COL7A1: variants seen among roughly 807,000 people sequenced by gnomAD.
COL7A1 encodes the protein collagen type VII alpha 1 chain, also known as collagen alpha-1(VII) chain.
Under a neutral mutation model 456.2 loss-of-function variants are expected in COL7A1, and 296 were observed. The observed-to-expected ratio is 0.65, with a 90% confidence interval of 0.59 to 0.71. The LOEUF (loss-of-function observed/expected upper bound fraction) is 0.71, where lower values mean the gene tolerates loss of function less well. Among genes scored for constraint, COL7A1 ranks in the 30% least tolerant of loss-of-function variants. COL7A1 has a pLI of 0.00. For missense variants in COL7A1, 3,441 were observed against 4,017.2 expected (o/e 0.86, Z 3.88); for synonymous variants, 1,464 against 1,525.9 (o/e 0.96, Z 0.95).
rs1041486286 is a variant in COL7A1 at position 48,573,385 on chromosome 3, C to T, written c.6619-37G>A. 2.2e-5 allele frequency: 36 copies of T among 1,613,906 alleles called. No homozygotes were observed. The highest frequency in any genetic ancestry group is 1.6e-4 in the Middle Eastern group (1 of 6,084). ...CCAGAGACTGCATGAGCAGAGCCCA[C>T]GTGGCCAGGGCTCCTGGAGCTCATC... On this transcript the variant is annotated intron_variant, in intron 83 of 118. Transcript: ENST00000681320. The surrounding 1 kb of genome is among the most constrained non-coding windows in gnomAD (Gnocchi z 5.5).
In COL7A1 at chr3:48,581,601, G is replaced by A. The variant is rs1286212581; in HGVS notation, c.4754C>T (p.Pro1585Leu). 1 of 1,614,172 alleles carries A rather than the reference G, an allele frequency of 6.2e-7. No individual in the cohort carries two copies. The highest frequency in any genetic ancestry group is 8.5e-7 in the Non-Finnish European group (1 of 1,180,032). ...GTCTCCAGGGTCTCCCTTGGGGCCA[G>A]GGTCTCCAGGAAGAACCAAGCCGGG... ...GPPGLVLPGDPGPKGDPGDRG... is the reference protein window; with the variant it reads ...GPPGLVLPGDLGPKGDPGDRG... The change falls in exon 50 of 119, where the codon CCT becomes CTT. Residue 1585 changes from proline (P) to leucine (L), a missense_variant. By Grantham distance (98) the Pro-to-Leu change is moderately conservative (BLOSUM62 -3). Coordinates refer to ENST00000681320, the MANE Select transcript of COL7A1 (RefSeq NM_000094.4). The surrounding 1 kb of genome is among the most constrained non-coding windows in gnomAD (Gnocchi z 5.8).
rs768202310 is a variant in COL7A1 at position 48,566,731 on chromosome 3, G to A, written c.8233C>T (p.Arg2745Ter). ...ACCACTCTCTCTCCGGGGGGACCTC[G>A]CTCACCCTGTCAGACACAGGGACCA... is the stretch of plus-strand genomic sequence containing the variant. ...PEGLQGQKGERGPPGERVVGA... is the reference protein window; with the variant it reads ...PEGLQGQKGE The change falls in exon 112 of 119, where the codon CGA (arginine) becomes TGA (stop). Residue 2745 changes from arginine to a stop codon, truncating the protein, a stop_gained. Coordinates refer to ENST00000681320, the MANE Select transcript of COL7A1 (RefSeq NM_000094.4). LOFTEE classifies it high-confidence loss of function. This position sits in a 1 kb window ranked among gnomAD's most constrained non-coding sequence, Gnocchi z 5.9. 4.3e-6 allele frequency: 7 copies of A among 1,613,592 alleles called. No homozygotes were observed. The highest frequency in any genetic ancestry group is 2.2e-5 in the East Asian group (1 of 44,850).
Position 48,577,256 on chromosome 3 carries a change from C to T in COL7A1, c.5533-229G>A, listed in dbSNP as rs185464826. 1.2e-3 allele frequency among the ~76,000 whole-genome samples: 182 copies of T among 152,382 alleles called. 1 individual carries two copies. Among genetic ancestry groups the T allele is most frequent in the African/African-American group, 3.8e-3 (158 of 41,598 alleles). The stretch of plus-strand genomic sequence containing the variant: ...AGGCAACTGCACACATGTCCTTTGA[C>T]TCTGGCTCTCTAGAGGTAGCTCCAC... On this transcript the variant is annotated intron_variant, in intron 65 of 118. Coordinates refer to ENST00000681320, the MANE Select transcript of COL7A1 (RefSeq NM_000094.4).
At position 48,582,319 on chromosome 3, in the gene COL7A1, T is replaced by A. The variant is rs1381772067; in HGVS notation, c.4635+4A>T. On this transcript the variant is annotated splice_donor_region_variant and intron_variant, in intron 47 of 118. Transcript: ENST00000681320. ...GCTCAGAGCGCCATCCTCCCGTCACTCACCACCACTGCAGGGTCCCCAGGG... is the reference window on the plus strand; with the variant it reads ...GCTCAGAGCGCCATCCTCCCGTCACACACCACCACTGCAGGGTCCCCAGGG... 4 of 1,613,910 alleles carry A rather than the reference T, an allele frequency of 2.5e-6. No individual in the cohort carries two copies. Among genetic ancestry groups the A allele is most frequent in the Non-Finnish European group, 3.4e-6 (4 of 1,179,974 alleles).
chr3:48,581,080 C>T lies in COL7A1; in HGVS notation c.4935+42G>A. ...GCACCAGCCTACTGGGATCCTAGTTCAAGGGTAAAGGATCAGAAACCACAG... is the reference window on the plus strand; with the variant it reads ...GCACCAGCCTACTGGGATCCTAGTTTAAGGGTAAAGGATCAGAAACCACAG... On this transcript the variant is annotated intron_variant, in intron 53 of 118. Coordinates refer to ENST00000681320, the MANE Select transcript of COL7A1 (RefSeq NM_000094.4). This position sits in a 1 kb window ranked among gnomAD's most constrained non-coding sequence, Gnocchi z 5.8. The T allele has an allele frequency of 6.2e-7, 1 of 1,613,160 alleles. No individual in the cohort carries two copies. Among genetic ancestry groups the T allele is most frequent in the African/African-American group, 1.3e-5 (1 of 75,008 alleles).
rs886038238 is a variant in COL7A1 at position 48,588,760 on chromosome 3, T to G, written c.2469A>C (p.Pro823=). 6.2e-7 allele frequency: 1 copy of G among 1,613,902 alleles called. No individual in the cohort carries two copies. The highest frequency in any genetic ancestry group is 1.7e-5 in the Admixed American group (1 of 60,034). Residue 823 remains proline, a synonymous_variant, in exon 20 of 119, where the codon CCA becomes CCC. Transcript: ENST00000681320. The surrounding 1 kb of genome is among the most constrained non-coding windows in gnomAD (Gnocchi z 4.6). ...GGATCTCTGCAGAGTCTGTGTTTCC[T>G]GGGAGTATCTGGTGCCTCATGGGGC... The part of the protein sequence containing the change: ...EGGPMRHQIL[P]GNTDSAEIRG...
In COL7A1 at chr3:48,567,612, A is replaced by G. The variant is rs2107635119; in HGVS notation, c.8008T>C (p.Ser2670Pro). 6.2e-7 allele frequency: 1 copy of G among 1,613,376 alleles called. No homozygotes were observed. Among genetic ancestry groups the G allele is most frequent in the Non-Finnish European group, 8.5e-7 (1 of 1,179,922 alleles). Residue 2670 changes from serine to proline, a missense_variant, in exon 109 of 119, where the codon TCG (serine) becomes CCG (proline). This residue lies in a region of COL7A1 where 2,084 missense variants were observed against 2,501.3 expected (regional missense o/e 0.83). Transcript: ENST00000681320. The surrounding 1 kb of genome is among the most constrained non-coding windows in gnomAD (Gnocchi z 4.3). ...EMGEPGVPGQ[S>P]GAPGKEGLIG... is the part of the protein sequence containing the mutation. ...AGGCCCTCCTTGCCAGGGGCCCCCG[A>G]CTGGCCCGGCACACCAGGCTCCCCC...
chr3:48,588,321 G>A lies in COL7A1; in HGVS notation c.2671C>T (p.Pro891Ser), dbSNP rs760539711. Residue 891 changes from proline to serine, a missense_variant, in exon 21 of 119, where the codon CCC becomes TCC. By Grantham distance (74) the Pro-to-Ser change is moderately conservative. This residue lies in a region of COL7A1 where 444 missense variants were observed against 427.6 expected (regional missense o/e 1.04). Coordinates refer to ENST00000681320, the MANE Select transcript of COL7A1 (RefSeq NM_000094.4). The surrounding 1 kb of genome is among the most constrained non-coding windows in gnomAD (Gnocchi z 4.6). Reference sequence around the variant, plus strand: ...TGCAGAAGGAAGCCCTGCGCTCTGGGCACCGGCTCCCAGCGCAGCCTCAGC... The same window carrying A: ...TGCAGAAGGAAGCCCTGCGCTCTGGACACCGGCTCCCAGCGCAGCCTCAGC... The part of the protein sequence containing the change: ...HSLRLRWEPV[P>S]RAQGFLLHWQ... The A allele has an allele frequency of 6.2e-7, 1 of 1,612,740 alleles. No homozygotes were observed. Among genetic ancestry groups the A allele is most frequent in the African/African-American group, 1.3e-5 (1 of 74,904 alleles).
Position 48,583,102 on chromosome 3 carries a change from T to C in COL7A1, c.4482+25A>G. The C allele has an allele frequency of 6.2e-7, 1 of 1,613,942 alleles. No homozygotes were observed. Among genetic ancestry groups the C allele is most frequent in the East Asian group, 2.2e-5 (1 of 44,866 alleles). ...GTTGGGCCCAGATCCTCCAGGGCCC[T>C]TGGCACCCCCCAGGTTGCACTTACC... On this transcript the variant is annotated intron_variant, in intron 43 of 118. Coordinates refer to ENST00000681320, the MANE Select transcript of COL7A1 (RefSeq NM_000094.4). The surrounding 1 kb of genome is among the most constrained non-coding windows in gnomAD (Gnocchi z 5.1).
Position 48,582,307 on chromosome 3 carries a change from T to G in COL7A1, c.4635+16A>C, listed in dbSNP as rs929978952. 1.2e-6 allele frequency: 2 copies of G among 1,613,758 alleles called. No individual in the cohort carries two copies. Among genetic ancestry groups the G allele is most frequent in the Non-Finnish European group, 1.7e-6 (2 of 1,179,942 alleles). ...GGGCTGTGCTGTGCTCAGAGCGCCA[T>G]CCTCCCGTCACTCACCACCACTGCA... On this transcript the variant is annotated intron_variant, in intron 47 of 118. Coordinates refer to ENST00000681320, the MANE Select transcript of COL7A1 (RefSeq NM_000094.4).
Position 48,578,948 on chromosome 3 carries a change from C to T in COL7A1, c.5395G>A (p.Ala1799Thr). The T allele has an allele frequency of 6.2e-7, 1 of 1,613,998 alleles. No homozygotes were observed. The change falls in exon 63 of 119, where the codon GCA becomes ACA. Residue 1799 changes from alanine (A) to threonine (T), a missense_variant. By Grantham distance (58) the Ala-to-Thr change is moderately conservative. This residue lies in a region of COL7A1 where 2,084 missense variants were observed against 2,501.3 expected (regional missense o/e 0.83). Transcript: ENST00000681320. This position sits in a 1 kb window ranked among gnomAD's most constrained non-coding sequence, Gnocchi z 4.7. ...CTCCCTGGGTCCCCAGCTTTGCCTG[C>T]AGCACCCTGAGGAGAGACTCAAAGT... Reference protein sequence around the residue: ...AAGPSGPNGAAGKAGDPGRDG... With the variant: ...AAGPSGPNGATGKAGDPGRDG...
chr3:48,575,000 G>C lies in COL7A1; in HGVS notation c.6279+64C>G. 1 of 1,581,064 alleles carries C rather than the reference G, an allele frequency of 6.3e-7. No individual in the cohort carries two copies. ...TGGCACACACTACCATATTTCTGGG[G>C]ACCAAGCTAAGGGTGGCTTCCTGGT... On this transcript the variant is annotated intron_variant, in intron 76 of 118. Coordinates refer to ENST00000681320, the MANE Select transcript of COL7A1 (RefSeq NM_000094.4). The surrounding 1 kb of genome is among the most constrained non-coding windows in gnomAD (Gnocchi z 5.0).
At position 48,572,899 on chromosome 3, in the gene COL7A1, C is replaced by T. The variant is rs958051895; in HGVS notation, c.6794G>A (p.Ser2265Asn). Residue 2265 changes from serine to asparagine, a missense_variant, in exon 87 of 119, where the codon AGT becomes AAT. Transcript: ENST00000681320. The surrounding 1 kb of genome is among the most constrained non-coding windows in gnomAD (Gnocchi z 4.6). ...GCTCCCTCTGTCTCCATCTTTTCCACTGGCACCATCTCGACCTGGGGCTCC... is the reference window on the plus strand; with the variant it reads ...GCTCCCTCTGTCTCCATCTTTTCCATTGGCACCATCTCGACCTGGGGCTCC... Reference protein sequence around the residue: ...KPGAPGRDGASGKDGDRGSPG... With the variant: ...KPGAPGRDGANGKDGDRGSPG... 6.2e-7 allele frequency: 1 copy of T among 1,613,990 alleles called. No homozygotes were observed. The highest frequency in any genetic ancestry group is 1.1e-5 in the South Asian group (1 of 91,076).
Position 48,593,049 on chromosome 3 carries a change from G to A in COL7A1, c.682+53C>T. The A allele has an allele frequency of 6.2e-6, 10 of 1,613,598 alleles. No individual in the cohort carries two copies. In the South Asian group the frequency reaches 1.1e-4, roughly 18 times the overall value. On this transcript the variant is annotated intron_variant, in intron 6 of 118. Coordinates refer to ENST00000681320, the MANE Select transcript of COL7A1 (RefSeq NM_000094.4). The surrounding 1 kb of genome is among the most constrained non-coding windows in gnomAD (Gnocchi z 4.4). ...AGGATGGAATCAGCACTGCCAAGTG[G>A]GGATTGGGGTCCGGGGTCTAGGTCA...
Position 48,587,786 on chromosome 3 carries a change from G to C in COL7A1, c.2857+7C>G. On this transcript the variant is annotated splice_region_variant and intron_variant, in intron 22 of 118. Transcript: ENST00000681320. The surrounding 1 kb of genome is among the most constrained non-coding windows in gnomAD (Gnocchi z 6.1). Reference sequence around the variant, plus strand: ...GGGAGGAGCACGCCAAGGTGAGGCAGGCTTACCAGTGCGCGCAGTCACCTC... The same window carrying C: ...GGGAGGAGCACGCCAAGGTGAGGCACGCTTACCAGTGCGCGCAGTCACCTC... The C allele has an allele frequency of 1.9e-6, 3 of 1,613,408 alleles. No individual in the cohort carries two copies. Among genetic ancestry groups the C allele is most frequent in the Non-Finnish European group, 2.5e-6 (3 of 1,179,982 alleles).
intron 37 of COL7A1, 44 bp from the exon 38 acceptor site, chr3:48,584,105 C>G (rs2045019659): frequency 1.2e-6 from 2 of 1,614,166 alleles, no homozygotes; most frequent in Non-Finnish European, 1.7e-6. Context: ...CCACACCTCA[C>G]TCCCAAAGAT....
chr3:48,567,566 C>G lies in COL7A1; in HGVS notation c.8046+8G>C. ...CCCTGTCATGTCCACTGTCCACAGA[C>G]CCTGTACCTTGGGACCGATCAGGCC... On this transcript the variant is annotated splice_region_variant and intron_variant, in intron 109 of 118. Coordinates refer to ENST00000681320, the MANE Select transcript of COL7A1 (RefSeq NM_000094.4). This position sits in a 1 kb window ranked among gnomAD's most constrained non-coding sequence, Gnocchi z 4.3. 1 of 1,614,196 alleles carries G rather than the reference C, an allele frequency of 6.2e-7. No homozygotes were observed. The highest frequency in any genetic ancestry group is 1.1e-5 in the South Asian group (1 of 91,088).
rs1247891743 is a variant in COL7A1 at position 48,564,510 on chromosome 3, GAGGCTACAAC to G, written c.8819-98_8819-89del. On this transcript the variant is annotated intron_variant, in intron 118 of 118. Coordinates refer to ENST00000681320, the MANE Select transcript of COL7A1 (RefSeq NM_000094.4). The surrounding 1 kb of genome is among the most constrained non-coding windows in gnomAD (Gnocchi z 6.0). ...GAGGCACCGCCAAGGGGAGGGAGCG[GAGGCTACAAC>G]AGGAAGTGGGGGCTCTGACCTCAGA... 7.7e-5 allele frequency: 117 copies of G among 1,528,754 alleles called. No individual in the cohort carries two copies. Among genetic ancestry groups the G allele is most frequent in the Non-Finnish European group, 1.0e-4 (113 of 1,111,220 alleles). The allele number at this position is 1,528,754 out of a possible 1,614,324, so 94.7% of individuals were successfully genotyped here.
rs575575729 is a variant in COL7A1, at chr3:48,573,033, C to A, written c.6738G>T (p.Leu2246Phe). 5.8e-5 allele frequency: 94 copies of A among 1,614,128 alleles called. 1 individual carries two copies. In the South Asian group the frequency reaches 9.4e-4, roughly 16 times the overall value. The change falls in exon 86 of 119, where the codon TTG becomes TTT. Residue 2246 changes from leucine to phenylalanine, a missense_variant. By Grantham distance (22) the Leu-to-Phe change is conservative (BLOSUM62 0). This residue lies in a region of COL7A1 where 2,084 missense variants were observed against 2,501.3 expected (regional missense o/e 0.83). Transcript: ENST00000681320. This position sits in a 1 kb window ranked among gnomAD's most constrained non-coding sequence, Gnocchi z 5.5. ...GLVGPQGSPG[L>F]PGQVGETGKP... ...CCCCAGAACTCACCACTTGTCCAGG[C>A]AAACCTGGAGACCCCTGTGGACCCT...
Sources: gnomAD v4.1 joint callset for allele counts (sites outside exome capture counted in the v4.1 genomes callset) on GRCh38, gnomAD v4.1.1 for gene constraint, gnomAD v4.1.1 regional missense constraint, Gnocchi (gnomAD v3.1) non-coding constraint, MANE v1.5 for transcripts, NCBI Gene and HGNC (gene_info 2026-07-23, HGNC 2026-07-21) for gene names.